SYNJ1: variants seen among roughly 807,000 people sequenced by gnomAD.
SYNJ1 encodes synaptojanin 1, also known as polyphosphatidylinositol phosphatase SYNJ1.
A neutral mutation model predicts 168.2 loss-of-function variants in SYNJ1; 78 were observed. The ratio of observed to expected loss-of-function variants is 0.46; its 90% CI spans 0.39 to 0.56. SYNJ1 has a LOEUF of 0.56. SYNJ1 is among the 20% of genes least tolerant of loss of function. SYNJ1 has a pLI of 0.00. For missense variants in SYNJ1, 1,303 were observed against 1,597.6 expected, an observed-to-expected ratio of 0.82 and a Z score of 3.14; for synonymous variants, 539 against 548.6, an observed-to-expected ratio of 0.98 and a Z score of 0.24.
intron 2 of SYNJ1, among the ~76,000 whole-genome samples, chr21:32,717,997 G>T (rs2043084914): frequency 6.6e-6 from 1 of 152,150 alleles, no homozygotes; most frequent in South Asian, 2.1e-4. Flanking sequence ...TCAGCATCTT[G>T]TGCTGCCTTT....
At chr21:32,727,821 C>G in intron 1 of SYNJ1, 125 bp downstream of exon 1, 1 of 1,462,112 alleles carries the variant, frequency 6.8e-7, no homozygotes, top group South Asian at 1.4e-5. Context: ...CCCGGCTGCT[C>G]GCGGTCGCCC....
chr21:32,673,787 C>G (rs1234542319), intron 13 of SYNJ1, among the ~76,000 whole-genome samples: 2 of 148,440 alleles, frequency 1.3e-5, no homozygotes, highest in Non-Finnish European at 1.5e-5. Flanking sequence ...AAAAAAAATA[C>G]TACACATACA....
At chr21:32,663,904 T>A (rs1001186686) in intron 18 of SYNJ1, among the ~76,000 whole-genome samples, 13 of 152,182 alleles carry the variant, frequency 8.5e-5, no homozygotes, top group Admixed American at 2.6e-4. Context: ...TGGGGGTCTG[T>A]GGGAAATTTA....
rs373012138 is a variant in SYNJ1, at chr21:32,673,203, ATGT to A, written c.1726+134_1726+136del. 591 of 603,964 alleles carry A rather than the reference ATGT, an allele frequency of 9.8e-4. 2 individuals carry two copies. Among genetic ancestry groups the A allele is most frequent in the African/African-American group, 7.7e-3 (402 of 52,224 alleles). 37.4% of individuals were successfully genotyped at this position (603,964 alleles called of 1,614,324 possible). A position where few individuals can be genotyped will look rare whatever the true frequency, so the allele number is the denominator to read the frequency against. ...ATTTTAATAGATGTGATCTTTAAAG[ATGT>A]TGTTGGTCTTCAAATGTATAGCTCC... On this transcript the variant is annotated intron_variant, in intron 14 of 32. Transcript: ENST00000674351.
chr21:32,706,675 G>A lies in SYNJ1; in HGVS notation c.125-4628C>T, dbSNP rs73901524. Among the ~76,000 whole-genome samples the A allele has an allele frequency of 7.5e-3, 1,145 of 151,882 alleles. 12 individuals carry two copies. The highest frequency in any genetic ancestry group is 0.026 in the African/African-American group (1,082 of 41,414). On this transcript the variant is annotated intron_variant, in intron 2 of 32. Transcript: ENST00000674351. ...AAGCTTTTATCTCTGACGTTAATAA[G>A]GTAAACTCTTCTAAATACCTTGTTA...
intron 16 of SYNJ1, 136 bp downstream of exon 16, chr21:32,666,297 A>T: frequency 6.8e-7 from 1 of 1,459,930 alleles, no homozygotes; most frequent in Non-Finnish European, 9.2e-7. Context: ...CTTTAATCAA[A>T]ACCCCCAAAA....
At chr21:32,661,048 G>T (rs2145884006) in intron 18 of SYNJ1, among the ~76,000 whole-genome samples, 1 of 152,250 alleles carries the variant, frequency 6.6e-6, no homozygotes, top group East Asian at 1.9e-4. Flanking sequence ...CTATTCTAAG[G>T]AAGAAAAAGA....
chr21:32,673,272 A>C, intron 14 of SYNJ1, 68 bp downstream of exon 14: 1 of 1,405,094 alleles, frequency 7.1e-7, no homozygotes, highest in African/African-American at 1.5e-5. Flanking sequence ...GAAGTGCTAT[A>C]TTTGTTTTCT....
At chr21:32,718,858 T>TC (rs2043115756) in intron 2 of SYNJ1, among the ~76,000 whole-genome samples, 1 of 152,146 alleles carries the variant, frequency 6.6e-6, no homozygotes, top group Admixed American at 6.5e-5. Context: ...AGTGTACAGT[T>TC]CCCTCATTAG....
intron 29 of SYNJ1, among the ~76,000 whole-genome samples, chr21:32,640,198 T>C (rs1431488663): frequency 6.6e-6 from 1 of 152,048 alleles, no homozygotes. Flanking sequence ...GCTGTCTTTA[T>C]GGGGAAAACT....
At chr21:32,710,115 G>C (rs1428180080) in intron 2 of SYNJ1, among the ~76,000 whole-genome samples, 1 of 151,968 alleles carries the variant, frequency 6.6e-6, no homozygotes, top group Non-Finnish European at 1.5e-5. Context: ...AGGCATAAAA[G>C]CTCGAACCCA....
At position 32,655,984 on chromosome 21, in the gene SYNJ1, G is replaced by A. The variant is rs148924778; in HGVS notation, c.2795+703C>T. ...AATTACTCAAATTTCTTTAACTGAG[G>A]CAGGGAGGGAGTCATTCTTATCTCT... On this transcript the variant is annotated intron_variant, in intron 21 of 32. Coordinates refer to ENST00000674351, the MANE Select transcript of SYNJ1 (RefSeq NM_203446.3). Among the ~76,000 whole-genome samples, 186 of 152,208 alleles carry A rather than the reference G, an allele frequency of 1.2e-3. 4 individuals are homozygous for A. In the East Asian group the frequency reaches 0.033, roughly 27 times the overall value.
In SYNJ1 at chr21:32,644,957, T is replaced by C. The variant is rs1215041561; in HGVS notation, c.3430+11A>G. ...CACGATTCACACATGCTAACAAATGTAAATGGTTACCTCCAAATTCCTTTC... is the reference window on the plus strand; with the variant it reads ...CACGATTCACACATGCTAACAAATGCAAATGGTTACCTCCAAATTCCTTTC... On this transcript the variant is annotated intron_variant, in intron 26 of 32. Coordinates refer to ENST00000674351, the MANE Select transcript of SYNJ1 (RefSeq NM_203446.3). The C allele has an allele frequency of 1.9e-6, 3 of 1,607,036 alleles. No homozygotes were observed. The South Asian group carries it at 3.4e-5, about 18-fold the overall frequency.
chr21:32,677,968 A>T (rs1888937924), intron 12 of SYNJ1, among the ~76,000 whole-genome samples: 1 of 152,208 alleles, frequency 6.6e-6, no homozygotes, highest in South Asian at 2.1e-4. Context: ...TTTTAGAGAA[A>T]GAAAAAGTAA....
At chr21:32,636,461 T>TTA (rs1298891377) in intron 31 of SYNJ1, among the ~76,000 whole-genome samples, 51 of 152,208 alleles carry the variant, frequency 3.4e-4, no homozygotes, top group Non-Finnish European at 4.4e-5. Context: ...TGGAATAGGA[T>TTA]AAGTAAAGAC....
At chr21:32,714,971 A>G (rs1214734940) in intron 2 of SYNJ1, among the ~76,000 whole-genome samples, 1 of 152,164 alleles carries the variant, frequency 6.6e-6, no homozygotes, top group Non-Finnish European at 1.5e-5. Context: ...TATTCAACCC[A>G]GCTCTCATCA....
intron 18 of SYNJ1, among the ~76,000 whole-genome samples, chr21:32,661,322 G>A (rs944774016): frequency 6.6e-6 from 1 of 152,228 alleles, no homozygotes; most frequent in Admixed American, 6.5e-5. Context: ...GTTCCACCCA[G>A]CATACAAGCT....
At chr21:32,706,870 A>G (rs1197837635) in intron 2 of SYNJ1, among the ~76,000 whole-genome samples, 1 of 152,210 alleles carries the variant, frequency 6.6e-6, no homozygotes, top group Non-Finnish European at 1.5e-5. Flanking sequence ...TCTACTATAA[A>G]GAGATTATTT....
intron 14 of SYNJ1, chr21:32,670,973 C>T (rs989465856): frequency 1.3e-5 from 3 of 230,820 alleles, no homozygotes; most frequent in African/African-American, 2.3e-5. Flanking sequence ...AGGGAGACTT[C>T]GGGTGCCCCA....
Sources: gnomAD v4.1 joint callset for allele counts (sites outside exome capture counted in the v4.1 genomes callset) on GRCh38, gnomAD v4.1.1 for gene constraint, MANE v1.5 for transcripts, NCBI Gene and HGNC (gene_info 2026-07-23, HGNC 2026-07-21) for gene names.